The following JCAD variants were observed in gnomAD, a reference collection of about 807,000 sequenced individuals.
The protein encoded by JCAD is junctional cadherin 5 associated.
JCAD carries 40 observed loss-of-function variants against 98.0 expected under a neutral mutation model. The ratio of observed to expected loss-of-function variants is 0.41; its 90% CI spans 0.32 to 0.53. JCAD has a LOEUF of 0.53. JCAD is among the 20% of genes least tolerant of loss of function. The probability of loss-of-function intolerance (pLI) is 0.31; values close to 1 mark genes in which losing one functional copy is unlikely to be tolerated. For missense variants in JCAD, 1,705 were observed against 1,738.1 expected (o/e 0.98, Z 0.34); for synonymous variants, 691 against 682.3 (o/e 1.01, Z -0.20).
At chr10:30,074,209 G>T (rs1045706717) in intron 1 of JCAD, among the ~76,000 whole-genome samples, 1 of 152,108 alleles carries the variant, frequency 6.6e-6, no homozygotes, top group African/African-American at 2.4e-5. Context: ...GACACACATT[G>T]TACCTGTGGC....
chr10:30,089,513 CGT>C (rs58665379), intron 1 of JCAD, among the ~76,000 whole-genome samples: 25,541 of 142,786 alleles, frequency 0.18, 2,362 homozygotes, highest in South Asian at 0.32. Flanking sequence ...ATGCTTCTTC[CGT>C]GTGTGTGTGT....
chr10:30,013,907 G>A lies in JCAD; in HGVS notation c.*3976C>T, dbSNP rs1014118886. 3 of 152,246 alleles carry A rather than the reference G, an allele frequency of 2.0e-5. No individual in the cohort carries two copies. The highest frequency in any genetic ancestry group is 2.9e-5 in the Non-Finnish European group (2 of 68,056). 9.4% of individuals were successfully genotyped at this position (152,246 alleles called of 1,614,324 possible). ...TTGGCTGCCTTCCCACACTGCTGAT[G>A]AACCAAGGACTGTTTCGACAGGCAG... On this transcript the variant is annotated 3_prime_UTR_variant, in exon 4 of 4. Transcript: ENST00000375377.
chr10:30,054,772 C>T (rs1005292949), intron 1 of JCAD, among the ~76,000 whole-genome samples: 127 of 151,734 alleles, frequency 8.4e-4, no homozygotes, highest in Non-Finnish European at 1.5e-3. Flanking sequence ...GGGGTTCACG[C>T]CATTCTCCTG....
chr10:30,076,163 A>C (rs1185167553), intron 1 of JCAD, among the ~76,000 whole-genome samples: 1 of 152,030 alleles, frequency 6.6e-6, no homozygotes, highest in Non-Finnish European at 1.5e-5. Context: ...AGCTGGGATT[A>C]CAGGTGCCTG....
intron 2 of JCAD, among the ~76,000 whole-genome samples, chr10:30,034,701 T>A (rs1377894232): frequency 6.6e-6 from 1 of 152,032 alleles, no homozygotes; most frequent in Non-Finnish European, 1.5e-5. Flanking sequence ...TGACCGCCCA[T>A]CAGTAGCCTG....
In JCAD at chr10:30,027,793, G is replaced by C; in HGVS notation, c.2355C>G (p.Cys785Trp). 6.2e-7 allele frequency: 1 copy of C among 1,614,244 alleles called. No individual in the cohort carries two copies. Among genetic ancestry groups the C allele is most frequent in the South Asian group, 1.1e-5 (1 of 91,090 alleles). ...PTPKAGRSQP[C>W]VDVHGLGAHP... ...GGGCTCCAAGCCCGTGGACATCCAC[G>C]CAGGGCTGACTTCGGCCTGCTTTTG... The change falls in exon 3 of 4, where the codon TGC becomes TGG. Residue 785 changes from cysteine (C) to tryptophan (W), a missense_variant. Cys to Trp is a radical substitution (Grantham distance 215, BLOSUM62 -2). Transcript: ENST00000375377.
In JCAD at chr10:30,016,876, ATG is replaced by A. The variant is rs1380192201; in HGVS notation, c.*1005_*1006del. The A allele has an allele frequency of 6.6e-6, 1 of 152,230 alleles. No homozygotes were observed. The highest frequency in any genetic ancestry group is 1.5e-5 in the Non-Finnish European group (1 of 68,050). 9.4% of individuals were successfully genotyped at this position (152,230 alleles called of 1,614,324 possible). On this transcript the variant is annotated 3_prime_UTR_variant, in exon 4 of 4. Coordinates refer to ENST00000375377, the MANE Select transcript of JCAD (RefSeq NM_020848.4). ...AAGTTTCTTTTATTAACCCTGTGAT[ATG>A]TCTATATTGACATTTTCTAAGATAA...
At position 30,067,028 on chromosome 10, in the gene JCAD, G is replaced by T. The variant is rs753183961; in HGVS notation, n.250+2672C>A. Among the ~76,000 whole-genome samples, 6 of 152,058 alleles carry T rather than the reference G, an allele frequency of 3.9e-5. No homozygotes were observed. The South Asian group carries it at 1.2e-3, about 32-fold the overall frequency. ...ACTAAAAAATAAAAATAAATGGCCA[G>T]GTATAGTAGTACATGCCTATGGTTC... On this transcript the variant is annotated intron_variant and non_coding_transcript_variant, in intron 2 of 2. Transcript: ENST00000465712.
chr10:30,109,902 C>T (rs1359763589), intron 1 of JCAD, among the ~76,000 whole-genome samples: 1 of 151,182 alleles, frequency 6.6e-6, no homozygotes, highest in Non-Finnish European at 1.5e-5. Context: ...ATGTATGGAC[C>T]AGTTGATATA....
rs1836940408 is a variant in JCAD at position 30,029,525 on chromosome 10, A to G, written c.623T>C (p.Phe208Ser). The part of the protein sequence containing the change: ...QMSDGDGERL[F>S]QDLYPFIQGE... ...TTGAATGAATGGGTACAGGTCTTGAAACAGTCTCTCCCCATCTCCATCAGA... is the reference window on the plus strand; with the variant it reads ...TTGAATGAATGGGTACAGGTCTTGAGACAGTCTCTCCCCATCTCCATCAGA... Residue 208 changes from phenylalanine to serine, a missense_variant, in exon 3 of 4, where the codon TTT (phenylalanine) becomes TCT (serine). This residue lies in a region of JCAD where 275 missense variants were observed against 346.9 expected (regional missense o/e 0.79). Transcript: ENST00000375377. 1.2e-6 allele frequency: 2 copies of G among 1,614,038 alleles called. No homozygotes were observed. The highest frequency in any genetic ancestry group is 2.7e-5 in the African/African-American group (2 of 74,914).
intron 1 of JCAD, among the ~76,000 whole-genome samples, chr10:30,111,091 C>T (rs1319843124): frequency 2.0e-5 from 3 of 152,100 alleles, no homozygotes; most frequent in Non-Finnish European, 4.4e-5. Flanking sequence ...CCTCTACCCC[C>T]GACCTGATAT....
rs1836839600 is a variant in JCAD at position 30,027,260 on chromosome 10, T to C, written c.2888A>G (p.Asn963Ser). 1 of 1,614,212 alleles carries C rather than the reference T, an allele frequency of 6.2e-7. No individual in the cohort carries two copies. Among genetic ancestry groups the C allele is most frequent in the East Asian group, 2.2e-5 (1 of 44,876 alleles). ...GCTACCTGCCAGCTCGTCCATTCCGTTGCTAACCTCCAGGTGTCTCTTCTC... is the reference window on the plus strand; with the variant it reads ...GCTACCTGCCAGCTCGTCCATTCCGCTGCTAACCTCCAGGTGTCTCTTCTC... Reference protein sequence around the residue: ...SAEKRHLEVSNGMDELAGSPF... With the variant: ...SAEKRHLEVSSGMDELAGSPF... The change falls in exon 3 of 4, where the codon AAC becomes AGC. Residue 963 changes from asparagine (N) to serine (S), a missense_variant. This residue lies in a region of JCAD where 1,278 missense variants were observed against 1,243.1 expected (regional missense o/e 1.03). Coordinates refer to ENST00000375377, the MANE Select transcript of JCAD (RefSeq NM_020848.4).
At chr10:30,040,477 GA>G (rs1837220237) in intron 2 of JCAD, among the ~76,000 whole-genome samples, 1 of 152,232 alleles carries the variant, frequency 6.6e-6, no homozygotes, top group African/African-American at 2.4e-5. Context: ...TAGACATGGA[GA>G]AAGACCAGCC....
At chr10:30,111,250 ACCCAGCC>A (rs1174813782) in intron 1 of JCAD, among the ~76,000 whole-genome samples, 1 of 152,102 alleles carries the variant, frequency 6.6e-6, no homozygotes, top group African/African-American at 2.4e-5. Flanking sequence ...GCCCTTCGGG[ACCCAGCC>A]CAGGGGTTAC....
intron 1 of JCAD, among the ~76,000 whole-genome samples, chr10:30,102,896 G>C (rs1050439603): frequency 6.6e-6 from 1 of 152,090 alleles, no homozygotes; most frequent in African/African-American, 2.4e-5. Flanking sequence ...CATGTGCAGG[G>C]GAACTCCCCT....
chr10:30,104,014 T>C (rs966604723), intron 1 of JCAD, among the ~76,000 whole-genome samples: 1 of 152,214 alleles, frequency 6.6e-6, no homozygotes, highest in Non-Finnish European at 1.5e-5. Context: ...CCAAAAGAAT[T>C]GAACTCTAGT....
intron 1 of JCAD, among the ~76,000 whole-genome samples, chr10:30,105,795 A>C (rs915945867): frequency 3.3e-5 from 5 of 152,220 alleles, no homozygotes; most frequent in African/African-American, 1.2e-4. Flanking sequence ...ATTTTTTATC[A>C]TCTGCTATGA....
chr10:30,098,295 T>C (rs1277747048), intron 1 of JCAD, among the ~76,000 whole-genome samples: 3 of 152,148 alleles, frequency 2.0e-5, no homozygotes, highest in South Asian at 4.1e-4. Context: ...GACTTCTATC[T>C]AGAAGGTTTC....
chr10:30,072,104 G>A (rs1837902599), intron 1 of JCAD, among the ~76,000 whole-genome samples: 2 of 151,366 alleles, frequency 1.3e-5, no homozygotes, highest in South Asian at 4.2e-4. Flanking sequence ...TACTATTCTG[G>A]AAGGAAGGAA....
Sources: allele counts gnomAD v4.1 joint callset (sites outside exome capture counted in the v4.1 genomes callset), GRCh38; gene constraint gnomAD v4.1.1; regional missense constraint gnomAD v4.1.1; transcripts MANE v1.5; gene names NCBI Gene and HGNC (gene_info 2026-07-23, HGNC 2026-07-21).